NAV2: variants seen among roughly 807,000 people sequenced by gnomAD.
NAV2 encodes helicase, APC down-regulated 1.
A neutral mutation model predicts 223.2 loss-of-function variants in NAV2; 54 were observed. The observed-to-expected ratio is 0.24, with a 90% CI of 0.19 to 0.30. The LOEUF (loss-of-function observed/expected upper bound fraction) is 0.30. NAV2 is among the 10% of genes least tolerant of loss of function. The pLI, the probability that NAV2 is intolerant of heterozygous loss-of-function variation, is 1.00. For synonymous variants in NAV2, 1,279 were observed against 1,239.3 expected (o/e 1.03, Z -0.67); for missense variants, 2,806 against 3,147.5 (o/e 0.89, Z 2.60).
At chr11:19,882,919 T>C (rs1197264238) in intron 5 of NAV2, among the ~76,000 whole-genome samples, 1 of 152,206 alleles carries the variant, frequency 6.6e-6, no homozygotes, top group African/African-American at 2.4e-5. Context: ...TCTAATTGTA[T>C]TTCCAAAGGA....
chr11:19,994,181 A>G (rs763334565), intron 11 of NAV2, among the ~76,000 whole-genome samples: 1 of 152,218 alleles, frequency 6.6e-6, no homozygotes, highest in African/African-American at 2.4e-5. Context: ...CAAGTGTCCA[A>G]TAGTCCTGCT....
At chr11:19,551,923 T>TC (rs1565042486) in intron 1 of NAV2, among the ~76,000 whole-genome samples, 1 of 146,626 alleles carries the variant, frequency 6.8e-6, no homozygotes, top group African/African-American at 2.7e-5. Context: ...CTCTCTCTCT[T>TC]TCTCCACATC....
At chr11:19,483,828 G>A (rs922190182) in intron 1 of NAV2, among the ~76,000 whole-genome samples, 1 of 152,160 alleles carries the variant, frequency 6.6e-6, no homozygotes, top group Non-Finnish European at 1.5e-5. Flanking sequence ...GTTAAGGGGG[G>A]ACCACTGTTC....
chr11:19,469,479 A>G (rs560607102), intron 1 of NAV2, among the ~76,000 whole-genome samples: 1 of 152,250 alleles, frequency 6.6e-6, no homozygotes, highest in African/African-American at 2.4e-5. Context: ...CACTGGTCCT[A>G]CTAATTAAAA....
intron 1 of NAV2, among the ~76,000 whole-genome samples, chr11:19,584,429 TG>T (rs2045825738): frequency 6.6e-6 from 1 of 152,244 alleles, no homozygotes; most frequent in Admixed American, 6.5e-5. Context: ...AGCTTTTGAA[TG>T]TGTTTGCTCT....
At chr11:19,614,796 A>C (rs1407140284) in intron 1 of NAV2, among the ~76,000 whole-genome samples, 1 of 152,178 alleles carries the variant, frequency 6.6e-6, no homozygotes, top group Non-Finnish European at 1.5e-5. Context: ...CTAGAACTCT[A>C]TAGAGTGAAT....
intron 1 of NAV2, among the ~76,000 whole-genome samples, chr11:19,586,204 T>C (rs2045894080): frequency 6.6e-6 from 1 of 152,228 alleles, no homozygotes; most frequent in African/African-American, 2.4e-5. Context: ...GTCGCATAGT[T>C]CTTGTGCCAT....
intron 1 of NAV2, among the ~76,000 whole-genome samples, chr11:19,584,336 G>T (rs542640536): frequency 5.1e-4 from 77 of 152,238 alleles, no homozygotes; most frequent in African/African-American, 1.8e-3. Flanking sequence ...CCAGCTCCTG[G>T]ATTCATTGAT....
At chr11:19,373,842 A>T (rs1211733068) in intron 1 of NAV2, among the ~76,000 whole-genome samples, 1 of 152,220 alleles carries the variant, frequency 6.6e-6, no homozygotes, top group Non-Finnish European at 1.5e-5. Context: ...ATGAAAGAAA[A>T]TATGACAGGT....
chr11:19,407,159 T>C (rs1849932871), intron 1 of NAV2, among the ~76,000 whole-genome samples: 1 of 152,200 alleles, frequency 6.6e-6, no homozygotes, highest in African/African-American at 2.4e-5. Context: ...GCATATTTAC[T>C]CATTCATTTC....
intron 1 of NAV2, among the ~76,000 whole-genome samples, chr11:19,603,219 A>T (rs1181776417): frequency 6.6e-6 from 1 of 152,160 alleles, no homozygotes; most frequent in Non-Finnish European, 1.5e-5. Flanking sequence ...TTGTAAGCAG[A>T]TCCTTCTGGC....
At chr11:19,901,841 T>C (rs1054895919) in intron 6 of NAV2, among the ~76,000 whole-genome samples, 2 of 152,242 alleles carry the variant, frequency 1.3e-5, no homozygotes, top group African/African-American at 4.8e-5. Flanking sequence ...CATTTTTCAT[T>C]TTTACATTTT....
chr11:19,896,471 C>T (rs1254931371), intron 6 of NAV2, among the ~76,000 whole-genome samples: 1 of 151,830 alleles, frequency 6.6e-6, no homozygotes. Context: ...TAAATAATTA[C>T]TTATAAAGCA....
intron 1 of NAV2, among the ~76,000 whole-genome samples, chr11:19,392,558 G>C (rs1384959594): frequency 6.6e-6 from 1 of 152,120 alleles, no homozygotes; most frequent in Non-Finnish European, 1.5e-5. Context: ...CTGGATCCAG[G>C]AGGGAGCATC....
chr11:19,858,368 G>A (rs777080854), intron 3 of NAV2, among the ~76,000 whole-genome samples: 1 of 152,188 alleles, frequency 6.6e-6, no homozygotes, highest in African/African-American at 2.4e-5. Flanking sequence ...GCCCATCCAT[G>A]TTGTTGCAGA....
In NAV2 at chr11:19,578,118, G is replaced by A. The variant is rs979986646; in HGVS notation, c.75+227091G>A. The stretch of plus-strand genomic sequence containing the variant: ...CCACCACCCCTTCTCTGAAGCCCTC[G>A]CCAGCATTTCCTTTTGTGGCTGTAA... On this transcript the variant is annotated intron_variant, in intron 1 of 37. Transcript: ENST00000360655. Among the ~76,000 whole-genome samples, 9 of 152,160 alleles carry A rather than the reference G, an allele frequency of 5.9e-5. 1 individual carries two copies. Among genetic ancestry groups the A allele is most frequent in the Admixed American group, 2.6e-4 (4 of 15,296 alleles).
At chr11:19,628,073 C>G (rs565529227) in intron 1 of NAV2, among the ~76,000 whole-genome samples, 13 of 152,300 alleles carry the variant, frequency 8.5e-5, no homozygotes, top group South Asian at 6.2e-4. Flanking sequence ...TTAATCACCA[C>G]TGGGGAGAAT....
At chr11:19,546,637 T>C (rs1281195253) in intron 1 of NAV2, among the ~76,000 whole-genome samples, 1 of 152,170 alleles carries the variant, frequency 6.6e-6, no homozygotes, top group African/African-American at 2.4e-5. Context: ...TTTTTGGGGG[T>C]GTTTTCTATT....
chr11:19,558,775 T>C (rs989985939), intron 1 of NAV2, among the ~76,000 whole-genome samples: 1 of 152,180 alleles, frequency 6.6e-6, no homozygotes, highest in African/African-American at 2.4e-5. Context: ...GCTCGGATGT[T>C]TTCTCATAGA....
Sources: allele counts gnomAD v4.1 joint callset (sites outside exome capture counted in the v4.1 genomes callset), GRCh38; gene constraint gnomAD v4.1.1; transcripts MANE v1.5; gene names NCBI Gene and HGNC (gene_info 2026-07-23, HGNC 2026-07-21).